Variants in PHIP observed in about 807,000 individuals in gnomAD.
PHIP encodes the protein PHIP subunit of CUL4-Ring ligase complex, also known as PH-interacting protein.
PHIP carries 54 observed loss-of-function variants against 236.8 expected under a neutral mutation model. The ratio of observed to expected loss-of-function variants is 0.23; its 90% CI spans 0.18 to 0.29. The LOEUF (loss-of-function observed/expected upper bound fraction) is 0.29, where lower values mean the gene tolerates loss of function less well. Among genes scored for constraint, PHIP ranks in the 10% least tolerant of loss-of-function variants. The pLI is 1.00. For missense variants in PHIP, 1,370 were observed against 2,190.8 expected, an observed-to-expected ratio of 0.63 and a Z score of 7.48; for synonymous variants, 756 against 718.9, an observed-to-expected ratio of 1.05 and a Z score of -0.83.
chr6:79,008,335 C>G (rs1214868729), intron 15 of PHIP, among the ~76,000 whole-genome samples: 1 of 151,736 alleles, frequency 6.6e-6, no homozygotes, highest in Non-Finnish European at 1.5e-5. Flanking sequence ...TGATAAAAAT[C>G]AGTAGATCAG....
intron 17 of PHIP, 141 bp from the exon 18 acceptor site, chr6:78,998,532 G>C: frequency 1.1e-5 from 6 of 556,624 alleles, no homozygotes; most frequent in Non-Finnish European, 1.8e-5. Flanking sequence ...TAAATGATGG[G>C]AGTTAAAAAA....
At chr6:78,985,216 C>T in intron 22 of PHIP, 136 bp downstream of exon 22, 1 of 623,904 alleles carries the variant, frequency 1.6e-6, no homozygotes, top group Non-Finnish European at 2.9e-6. Context: ...AGAAAATCTA[C>T]ATTTCATACA....
intron 4 of PHIP, among the ~76,000 whole-genome samples, chr6:79,074,764 TA>T (rs1488722817): frequency 6.6e-6 from 1 of 152,138 alleles, no homozygotes; most frequent in Admixed American, 6.5e-5. Flanking sequence ...TGCAAACTTT[TA>T]AAACTGCTCT....
intron 6 of PHIP, among the ~76,000 whole-genome samples, chr6:79,044,086 C>T (rs894283728): frequency 6.6e-6 from 1 of 151,984 alleles, no homozygotes; most frequent in African/African-American, 2.4e-5. Context: ...CCACTCCACA[C>T]TCCCGCTGCC....
chr6:79,073,298 T>C (rs1750579440), intron 4 of PHIP, among the ~76,000 whole-genome samples: 1 of 152,196 alleles, frequency 6.6e-6, no homozygotes, highest in African/African-American at 2.4e-5. Flanking sequence ...CCTAACATTT[T>C]ATTCATCATA....
At chr6:79,056,540 C>T (rs1366423170) in intron 6 of PHIP, among the ~76,000 whole-genome samples, 1 of 151,964 alleles carries the variant, frequency 6.6e-6, no homozygotes, top group Admixed American at 6.6e-5. Flanking sequence ...ATAATTTTGC[C>T]CAGGAGATAT....
At chr6:78,972,069 G>A (rs1409906540) in intron 24 of PHIP, among the ~76,000 whole-genome samples, 1 of 152,080 alleles carries the variant, frequency 6.6e-6, no homozygotes, top group Non-Finnish European at 1.5e-5. Context: ...TCCACCTCTG[G>A]GGGCAGGGCA....
At position 79,040,138 on chromosome 6, in the gene PHIP, T is replaced by C. The variant is rs1270226943; in HGVS notation, c.600+2705A>G. Among the ~76,000 whole-genome samples, 6 of 152,192 alleles carry C rather than the reference T, an allele frequency of 3.9e-5. No individual in the cohort carries two copies. The East Asian group carries it at 1.2e-3, about 29-fold the overall frequency. On this transcript the variant is annotated intron_variant, in intron 7 of 39. Transcript: ENST00000275034. ...TTTCTATTTTGTTCAGTACTAATTATATGCATTATTTCATGTAATCCCACA... is the reference window on the plus strand; with the variant it reads ...TTTCTATTTTGTTCAGTACTAATTACATGCATTATTTCATGTAATCCCACA...
intron 38 of PHIP, 53 bp from the exon 39 acceptor site, chr6:78,945,550 A>T (rs1773766595): frequency 9.0e-7 from 1 of 1,113,358 alleles, no homozygotes. Context: ...CCTAAAGATA[A>T]GAAAAAAGGT....
rs1411448554 is a variant in PHIP, at chr6:79,015,099, G to A, written c.1507C>T (p.Arg503Ter). 6.2e-7 allele frequency: 1 copy of A among 1,610,300 alleles called. No homozygotes were observed. Among genetic ancestry groups the A allele is most frequent in the East Asian group, 2.2e-5 (1 of 44,786 alleles). ...VWDLARGVKI[R>*]SYFNMIEGQG... ...ATAATTACCATATTGAAATAAGATC[G>A]TATTTTGACTCCTCTTGCCAGATCC... The change falls in exon 15 of 40, where the codon CGA becomes TGA. Residue 503 changes from arginine to a stop codon, truncating the protein, a stop_gained. Coordinates refer to ENST00000275034, the MANE Select transcript of PHIP (RefSeq NM_017934.7). LOFTEE classifies it high-confidence loss of function.
intron 25 of PHIP, 52 bp downstream of exon 25, chr6:78,970,729 A>G: frequency 8.4e-7 from 1 of 1,192,606 alleles, no homozygotes; most frequent in East Asian, 2.3e-5. Context: ...AATTTTCTCC[A>G]AATTCCATAA....
intron 39 of PHIP, among the ~76,000 whole-genome samples, chr6:78,943,989 TTAAAAAAA>T (rs1167369503): frequency 6.4e-5 from 3 of 46,822 alleles, no homozygotes; most frequent in African/African-American, 2.1e-4. Context: ...CTGTCTTTTT[TTAAAAAAA>T]AAAAAAAAAA....
Position 78,988,353 on chromosome 6 carries a change from G to GA in PHIP, c.2320-5dup, listed in dbSNP as rs758808525. On this transcript the variant is annotated splice_region_variant and splice_polypyrimidine_tract_variant and intron_variant, in intron 20 of 39. Transcript: ENST00000275034. ...GGAAATGCTCATGAGCATGATTCTA[G>GA]AAAAAAATAAATTAAATTTATTCAC... is the stretch of plus-strand genomic sequence containing the variant. 21 of 1,564,142 alleles carry GA rather than the reference G, an allele frequency of 1.3e-5. No homozygotes were observed. In the East Asian group the frequency reaches 1.8e-4, roughly 14 times the overall value.
In PHIP at chr6:78,965,332, C is replaced by T. The variant is rs560381040; in HGVS notation, c.3379+371G>A. Among the ~76,000 whole-genome samples, 4 of 152,240 alleles carry T rather than the reference C, an allele frequency of 2.6e-5. No individual in the cohort carries two copies. In the East Asian group the frequency reaches 5.8e-4, roughly 22 times the overall value. ...AAAAAATGACAAGTCAGGATATGAACTGATGTCCGTCTCACTCAAAAGCAT... is the reference window on the plus strand; with the variant it reads ...AAAAAATGACAAGTCAGGATATGAATTGATGTCCGTCTCACTCAAAAGCAT... On this transcript the variant is annotated intron_variant, in intron 29 of 39. Transcript: ENST00000275034.
At chr6:78,993,019 T>C (rs1401320413) in intron 19 of PHIP, among the ~76,000 whole-genome samples, 1 of 152,206 alleles carries the variant, frequency 6.6e-6, no homozygotes, top group Non-Finnish European at 1.5e-5. Context: ...GCTACTCCAG[T>C]GAACACAGGA....
In PHIP at chr6:79,060,492, C is replaced by T; in HGVS notation, c.425G>A (p.Ser142Asn). 6.2e-7 allele frequency: 1 copy of T among 1,612,686 alleles called. No individual in the cohort carries two copies. The change falls in exon 6 of 40, where the codon AGC becomes AAC. Residue 142 changes from serine to asparagine, a missense_variant. By Grantham distance (46) the Ser-to-Asn change is conservative (BLOSUM62 1). Transcript: ENST00000275034. ...AAACAACTCACCAATGCTGGGTGGG[C>T]TACCATAGTTAACTGGTGACTCAGG... ...RPPESPVNYGSPPSIADTLFS... is the reference protein window; with the variant it reads ...RPPESPVNYGNPPSIADTLFS...
At position 78,938,855 on chromosome 6, in the gene PHIP, C is replaced by T. The variant is rs1477025200; in HGVS notation, c.*1838G>A. The T allele has an allele frequency of 6.6e-6, 1 of 151,562 alleles. No individual in the cohort carries two copies. The highest frequency in any genetic ancestry group is 1.5e-5 in the Non-Finnish European group (1 of 67,592). 9.4% of individuals were successfully genotyped at this position (151,562 alleles called of 1,614,324 possible). On this transcript the variant is annotated 3_prime_UTR_variant, in exon 40 of 40. Transcript: ENST00000275034. ...TGATCTAAAAAGCCCAAATGTATCA[C>T]TTTTTCATTCTTCACGACAGTTAAA...
At chr6:78,976,100 C>T (rs1048285488) in intron 24 of PHIP, among the ~76,000 whole-genome samples, 2 of 150,770 alleles carry the variant, frequency 1.3e-5, no homozygotes, top group African/African-American at 4.9e-5. Flanking sequence ...AAGCTGGAGG[C>T]ATCACACTAC....
At chr6:78,971,515 C>A (rs931172006) in intron 24 of PHIP, among the ~76,000 whole-genome samples, 1 of 152,018 alleles carries the variant, frequency 6.6e-6, no homozygotes, top group Admixed American at 6.6e-5. Flanking sequence ...ACCATTATTG[C>A]GGGGAGGGGC....
Sources: allele counts gnomAD v4.1 joint callset (sites outside exome capture counted in the v4.1 genomes callset), GRCh38; gene constraint gnomAD v4.1.1; transcripts MANE v1.5; gene names NCBI Gene and HGNC (gene_info 2026-07-23, HGNC 2026-07-21).